PDE8A: variants seen among roughly 807,000 people sequenced by gnomAD.
PDE8A encodes high affinity cAMP-specific and IBMX-insensitive 3',5'-cyclic phosphodiesterase 8A.
PDE8A carries 59 observed loss-of-function variants against 105.0 expected under a neutral mutation model. The observed-to-expected ratio is 0.56, with a 90% CI of 0.46 to 0.70. PDE8A has a LOEUF of 0.70. Ranked by LOEUF, PDE8A falls within the 30% of genes least tolerant of loss-of-function variation. PDE8A has a pLI of 0.00. For synonymous variants in PDE8A, 355 were observed against 371.9 expected, an observed-to-expected ratio of 0.95 and a Z score of 0.52; for missense variants, 1,014 against 1,045.9, an observed-to-expected ratio of 0.97 and a Z score of 0.42.
chr15:85,098,860 T>C (rs2081805764), intron 9 of PDE8A, among the ~76,000 whole-genome samples: 1 of 151,676 alleles, frequency 6.6e-6, no homozygotes, highest in South Asian at 2.1e-4. Flanking sequence ...AGGGGGCCGA[T>C]GTGGGAGAAT....
chr15:85,023,060 T>C (rs1322512988), intron 1 of PDE8A, among the ~76,000 whole-genome samples: 1 of 152,042 alleles, frequency 6.6e-6, no homozygotes, highest in Non-Finnish European at 1.5e-5. Context: ...CAGGAGGAAG[T>C]TGGAAGGAAT....
intron 6 of PDE8A, among the ~76,000 whole-genome samples, chr15:85,088,444 G>A (rs1027906850): frequency 5.3e-5 from 8 of 152,218 alleles, no homozygotes; most frequent in East Asian, 1.9e-4. Context: ...TCAAGACTTC[G>A]TGTCCTTTTA....
intron 1 of PDE8A, among the ~76,000 whole-genome samples, chr15:85,033,023 A>C (rs911450737): frequency 6.6e-6 from 1 of 152,190 alleles, no homozygotes; most frequent in African/African-American, 2.4e-5. Context: ...TATCCCCAGC[A>C]GCTAGGAGAG....
intron 1 of PDE8A, among the ~76,000 whole-genome samples, chr15:85,028,608 CCT>C (rs2080558461): frequency 1.3e-5 from 2 of 152,140 alleles, no homozygotes; most frequent in African/African-American, 4.8e-5. Context: ...GTTATCTATT[CCT>C]TGTATTTCGC....
chr15:85,117,108 G>A (rs1185894363), intron 16 of PDE8A, among the ~76,000 whole-genome samples: 1 of 152,230 alleles, frequency 6.6e-6, no homozygotes, highest in Non-Finnish European at 1.5e-5. Context: ...AAACCTCAGG[G>A]GAAATCCCCT....
chr15:85,031,621 A>C (rs1408769430), intron 1 of PDE8A, among the ~76,000 whole-genome samples: 1 of 152,132 alleles, frequency 6.6e-6, no homozygotes. Context: ...CCTGCTTCCT[A>C]GCTGTGTGAC....
chr15:85,115,949 A>C (rs773600471), intron 15 of PDE8A, 35 bp from the exon 16 acceptor site: 12 of 1,577,094 alleles, frequency 7.6e-6, no homozygotes, highest in South Asian at 5.7e-5. Flanking sequence ...AATCCTTTAA[A>C]GCCTATTTGT....
intron 1 of PDE8A, among the ~76,000 whole-genome samples, chr15:84,999,791 G>A (rs977528026): frequency 6.6e-6 from 1 of 151,602 alleles, no homozygotes; most frequent in Non-Finnish European, 1.5e-5. Context: ...AGCCAGGATG[G>A]TCTCCATCTC....
chr15:85,078,281 T>C (rs2081409327), intron 5 of PDE8A, among the ~76,000 whole-genome samples: 1 of 151,608 alleles, frequency 6.6e-6, no homozygotes. Flanking sequence ...ACATTTTCAA[T>C]GCAATAAAAG....
At chr15:85,080,861 T>C (rs892312638) in intron 5 of PDE8A, among the ~76,000 whole-genome samples, 15 of 152,198 alleles carry the variant, frequency 9.9e-5, no homozygotes, top group Non-Finnish European at 1.9e-4. Flanking sequence ...CACGCCCCTG[T>C]GAGGACACGT....
intron 1 of PDE8A, among the ~76,000 whole-genome samples, chr15:85,042,548 A>G (rs1471080218): frequency 6.6e-6 from 1 of 152,128 alleles, no homozygotes; most frequent in Non-Finnish European, 1.5e-5. Context: ...GGGGTTAACA[A>G]TTTACTCTTT....
intron 8 of PDE8A, among the ~76,000 whole-genome samples, chr15:85,091,628 T>C (rs1285558676): frequency 6.6e-6 from 1 of 152,148 alleles, no homozygotes; most frequent in Non-Finnish European, 1.5e-5. Context: ...TAGATTCTGG[T>C]ATGGAAAGAA....
intron 6 of PDE8A, among the ~76,000 whole-genome samples, chr15:85,086,667 A>G (rs564649323): frequency 1.3e-5 from 2 of 152,234 alleles, no homozygotes; most frequent in African/African-American, 2.4e-5. Flanking sequence ...GATAAAACCC[A>G]GTAGGGCTTC....
At chr15:85,059,918 C>T (rs72757059) in intron 1 of PDE8A, among the ~76,000 whole-genome samples, 32,801 of 152,084 alleles carry the variant, frequency 0.22, 4,387 homozygotes, top group Middle Eastern at 0.34. Flanking sequence ...TGAAGTGGGA[C>T]GATCTCTTGA....
rs1596539676 is a variant in PDE8A at position 85,121,091 on chromosome 15, C to A, written c.1952+77C>A. The A allele has an allele frequency of 5.5e-6, 5 of 911,526 alleles. No individual in the cohort carries two copies. The East Asian group carries it at 1.3e-4, about 24-fold the overall frequency. The allele number at this position is 911,526 out of a possible 1,614,324, so 56.5% of individuals were successfully genotyped here. On this transcript the variant is annotated intron_variant, in intron 18 of 21. Transcript: ENST00000394553. ...AGCTATATTGAGATATAATTCACAT[C>A]TTATACAGTTCACCCATTTAAAGTG...
At chr15:85,095,895 T>C (rs1178177895) in intron 8 of PDE8A, among the ~76,000 whole-genome samples, 1 of 150,262 alleles carries the variant, frequency 6.7e-6, no homozygotes, top group Non-Finnish European at 1.5e-5. Flanking sequence ...ATATATATTT[T>C]TTGTTTTTGT....
intron 5 of PDE8A, among the ~76,000 whole-genome samples, chr15:85,077,189 G>T (rs1192573902): frequency 1.3e-5 from 2 of 152,144 alleles, no homozygotes; most frequent in African/African-American, 2.4e-5. Flanking sequence ...ACCACAGGAT[G>T]TATTGTTATG....
intron 1 of PDE8A, among the ~76,000 whole-genome samples, chr15:85,048,620 C>T (rs2080923214): frequency 6.6e-6 from 1 of 152,184 alleles, no homozygotes; most frequent in Non-Finnish European, 1.5e-5. Flanking sequence ...CTGCATTCTC[C>T]AAGCAATAGG....
chr15:85,064,521 T>C, intron 2 of PDE8A, 95 bp downstream of exon 2: 3 of 777,988 alleles, frequency 3.9e-6, no homozygotes, highest in Middle Eastern at 4.6e-4. Context: ...AGTCTTTCAT[T>C]TAGATAATAG....
Sources: gnomAD v4.1 joint callset for allele counts (sites outside exome capture counted in the v4.1 genomes callset) on GRCh38, gnomAD v4.1.1 for gene constraint, MANE v1.5 for transcripts, NCBI Gene and HGNC (gene_info 2026-07-23, HGNC 2026-07-21) for gene names.